FLT1: variants seen among roughly 807,000 people sequenced by gnomAD.
FLT1 encodes fms related receptor tyrosine kinase 1.
FLT1 carries 49 observed loss-of-function variants against 156.3 expected under a neutral mutation model. The observed-to-expected ratio is 0.31, with a 90% confidence interval of 0.25 to 0.40. The LOEUF is 0.40. Among genes scored for constraint, FLT1 ranks in the 10% least tolerant of loss-of-function variants. The pLI is 1.00. For synonymous variants in FLT1, 594 were observed against 583.8 expected (o/e 1.02, Z -0.25); for missense variants, 1,322 against 1,637.2 (o/e 0.81, Z 3.32).
At chr13:28,430,993 G>C (rs1223210064) in intron 7 of FLT1, 143 bp downstream of exon 7, 1 of 733,722 alleles carries the variant, frequency 1.4e-6, no homozygotes, top group African/African-American at 1.7e-5. Flanking sequence ...TTTTGACAGG[G>C]GGAGGAGGGA....
chr13:28,426,220 T>C (rs1210926898), intron 10 of FLT1, among the ~76,000 whole-genome samples: 2 of 151,470 alleles, frequency 1.3e-5, no homozygotes, highest in Non-Finnish European at 2.9e-5. Flanking sequence ...GGCATAATGA[T>C]AATCCTTGGG....
chr13:28,419,827 C>T (rs568588506), intron 10 of FLT1, among the ~76,000 whole-genome samples: 2 of 152,230 alleles, frequency 1.3e-5, no homozygotes, highest in Admixed American at 1.3e-4. Flanking sequence ...TGCAGTGAGC[C>T]GAGATCGTGC....
chr13:28,313,884 G>A (rs1318482402), intron 25 of FLT1, among the ~76,000 whole-genome samples: 2 of 80,628 alleles, frequency 2.5e-5, no homozygotes, highest in Admixed American at 2.0e-4. Context: ...AGAATACAGG[G>A]AGGTAAAAAA....
At chr13:28,413,667 C>T (rs1876463946) in intron 10 of FLT1, among the ~76,000 whole-genome samples, 1 of 152,042 alleles carries the variant, frequency 6.6e-6, no homozygotes, top group Non-Finnish European at 1.5e-5. Flanking sequence ...AAGAAGGAGG[C>T]TTAAAATAGT....
chr13:28,376,460 C>T (rs1475818361), intron 14 of FLT1, among the ~76,000 whole-genome samples: 4 of 152,188 alleles, frequency 2.6e-5, no homozygotes, highest in Non-Finnish European at 5.9e-5. Context: ...TTGGTTCAGG[C>T]AGGCTTTACT....
intron 13 of FLT1, chr13:28,385,728 C>A: frequency 1.0e-6 from 1 of 965,320 alleles, no homozygotes; most frequent in Non-Finnish European, 1.3e-6. Context: ...TGATACAATA[C>A]AATTTATTTT....
chr13:28,442,699 GAT>G (rs1315573774), intron 3 of FLT1, among the ~76,000 whole-genome samples: 1 of 106,654 alleles, frequency 9.4e-6, no homozygotes, highest in Non-Finnish European at 1.9e-5. Context: ...TATGACTGTA[GAT>G]ACACACACAC....
rs117449664 is a variant in FLT1, at chr13:28,465,035, T to C, written c.388+1868A>G. ...CACAGATGTCGGAAAGAACACAATA[T>C]GCTACGTGGAATTAGAGAAAGAGAA... On this transcript the variant is annotated intron_variant, in intron 3 of 29. Transcript: ENST00000282397. Among the ~76,000 whole-genome samples the C allele has an allele frequency of 7.6e-3, 1,150 of 152,302 alleles. 5 individuals are homozygous for C. The highest frequency in any genetic ancestry group is 0.012 in the Non-Finnish European group (829 of 68,022).
Position 28,302,926 on chromosome 13 carries a change from C to T in FLT1, c.*241G>A. The T allele has an allele frequency of 3.6e-6, 2 of 548,096 alleles. No homozygotes were observed. Among genetic ancestry groups the T allele is most frequent in the Non-Finnish European group, 3.3e-6 (1 of 306,532 alleles). 34.0% of individuals were successfully genotyped at this position (548,096 alleles called of 1,614,324 possible). ...GTCATTGGGTTTAGGAAGGATTTCT[C>T]TAACACTGAGTAACATGAGGATTTA... On this transcript the variant is annotated 3_prime_UTR_variant, in exon 30 of 30. Coordinates refer to ENST00000282397, the MANE Select transcript of FLT1 (RefSeq NM_002019.4).
rs374759974 is a variant in FLT1, at chr13:28,384,970, G to A, written c.2031C>T (p.Ser677=). The stretch of plus-strand genomic sequence containing the variant: ...CATTAGCATGACAGTCTAAAGTGGT[G>A]GAACTGCTGATGGCCACTGTGTGAT... ...LSDHTVAISS[S]TTLDCHANGV... is the part of the protein sequence containing the mutation. Residue 677 remains serine (S), a synonymous_variant, in exon 14 of 30, where the codon TCC becomes TCT. Transcript: ENST00000282397. 1 of 1,613,906 alleles carries A rather than the reference G, an allele frequency of 6.2e-7. No homozygotes were observed. Among genetic ancestry groups the A allele is most frequent in the Non-Finnish European group, 8.5e-7 (1 of 1,179,872 alleles).
At chr13:28,343,159 T>G (rs1872409419) in intron 16 of FLT1, among the ~76,000 whole-genome samples, 1 of 152,246 alleles carries the variant, frequency 6.6e-6, no homozygotes, top group South Asian at 2.1e-4. Flanking sequence ...ATTTTTGTAT[T>G]TTTAGTAGAG....
intron 1 of FLT1, among the ~76,000 whole-genome samples, chr13:28,469,226 A>G (rs1340051276): frequency 6.6e-6 from 1 of 152,234 alleles, no homozygotes; most frequent in African/African-American, 2.4e-5. Flanking sequence ...ATCTCAGGGT[A>G]TAGTTTTCTT....
At chr13:28,315,293 G>A (rs761885345) in intron 25 of FLT1, among the ~76,000 whole-genome samples, 3 of 152,180 alleles carry the variant, frequency 2.0e-5, no homozygotes, top group Non-Finnish European at 4.4e-5. Flanking sequence ...GGAGGCTCAC[G>A]CCTGTAATCC....
intron 28 of FLT1, among the ~76,000 whole-genome samples, chr13:28,307,858 G>A (rs1475223566): frequency 1.3e-5 from 2 of 151,716 alleles, no homozygotes; most frequent in South Asian, 2.1e-4. Context: ...TGCAACCTCC[G>A]CCTCCCGGGT....
chr13:28,396,764 T>C (rs1323445014), intron 12 of FLT1, 196 bp downstream of exon 12: 3 of 685,784 alleles, frequency 4.4e-6, no homozygotes, highest in African/African-American at 3.5e-5. Context: ...TAAAAGAGAA[T>C]ACAGGGAAAT....
intron 3 of FLT1, among the ~76,000 whole-genome samples, chr13:28,440,265 A>C (rs1289005174): frequency 2.0e-5 from 3 of 152,212 alleles, no homozygotes; most frequent in Non-Finnish European, 4.4e-5. Flanking sequence ...TCTCATGTGT[A>C]CTGAATGAAT....
At chr13:28,374,933 G>A (rs543585514) in intron 14 of FLT1, among the ~76,000 whole-genome samples, 2 of 152,108 alleles carry the variant, frequency 1.3e-5, no homozygotes, top group South Asian at 2.1e-4. Context: ...CAACTAGCAG[G>A]GGGCCCTGCT....
At chr13:28,327,608 C>G (rs970202957) in intron 19 of FLT1, 58 bp from the exon 20 acceptor site, 1 of 1,236,694 alleles carries the variant, frequency 8.1e-7, no homozygotes, top group African/African-American at 1.5e-5. Flanking sequence ...CAGCCATTTG[C>G]CAGCCTTCAG....
intron 23 of FLT1, among the ~76,000 whole-genome samples, chr13:28,320,543 A>AAT (rs759201655): frequency 0.019 from 2,525 of 131,318 alleles, 75 homozygotes; most frequent in African/African-American, 0.078. Flanking sequence ...ATTTGTTTGC[A>AAT]TTTTTTTTTT....
Sources: allele counts gnomAD v4.1 joint callset (sites outside exome capture counted in the v4.1 genomes callset), GRCh38; gene constraint gnomAD v4.1.1; transcripts MANE v1.5; gene names NCBI Gene and HGNC (gene_info 2026-07-23, HGNC 2026-07-21).